TSPAN8: variants seen among roughly 807,000 people sequenced by gnomAD.
TSPAN8 encodes tetraspanin-8.
In TSPAN8, 21 loss-of-function variants were observed where a neutral mutation model predicts 32.8. That is an observed-to-expected ratio of 0.64 (90% CI 0.45 to 0.92). The LOEUF (loss-of-function observed/expected upper bound fraction) is 0.92, where lower values mean the gene tolerates loss of function less well. Among genes scored for constraint, TSPAN8 ranks in the 40% least tolerant of loss-of-function variants. The pLI, the probability that TSPAN8 is intolerant of heterozygous loss-of-function variation, is 0.00. For synonymous variants in TSPAN8, 95 were observed against 94.6 expected, an observed-to-expected ratio of 1.00 and a Z score of -0.03; for missense variants, 269 against 281.9, an observed-to-expected ratio of 0.95 and a Z score of 0.33.
intron 8 of TSPAN8, among the ~76,000 whole-genome samples, chr12:71,127,461 A>G (rs1208978687): frequency 6.6e-6 from 1 of 152,100 alleles, no homozygotes; most frequent in Admixed American, 6.6e-5. Context: ...TGAACCAACT[A>G]TTTACCATAT....
chr12:71,141,659 GC>G (rs1471339116), intron 3 of TSPAN8, among the ~76,000 whole-genome samples: 1 of 152,220 alleles, frequency 6.6e-6, no homozygotes, highest in African/African-American at 2.4e-5. Context: ...TAGCCAGAAA[GC>G]AGTGTGTTGA....
In TSPAN8 at chr12:71,132,778, T is replaced by C; in HGVS notation, c.491A>G (p.Asn164Ser). The C allele has an allele frequency of 6.2e-7, 1 of 1,613,988 alleles. No individual in the cohort carries two copies. The highest frequency in any genetic ancestry group is 8.5e-7 in the Non-Finnish European group (1 of 1,179,960). The change falls in exon 7 of 9, where the codon AAT becomes AGT. Residue 164 changes from asparagine (N) to serine (S), a missense_variant. By Grantham distance (46) the Asn-to-Ser change is conservative (BLOSUM62 1). Transcript: ENST00000247829. ...LVNGAADWGN[N>S]FQHYPELCAC... is the part of the protein sequence containing the mutation. ...ACATAATTCAGGATAGTGTTGAAAA[T>C]TATTTCCCCAATCAGCAGCTCCATT... is the stretch of plus-strand genomic sequence containing the variant.
chr12:71,129,426 A>C lies in TSPAN8; in HGVS notation c.577-12T>G. 6.4e-7 allele frequency: 1 copy of C among 1,558,286 alleles called. No homozygotes were observed. The highest frequency in any genetic ancestry group is 8.6e-7 in the Non-Finnish European group (1 of 1,159,016). On this transcript the variant is annotated splice_polypyrimidine_tract_variant and intron_variant, in intron 7 of 8. Transcript: ENST00000247829. Reference sequence around the variant, plus strand: ...AAAGAAATACAGGTCTGTTAAAAAAAAAAAACATTAAAAGTTACCTCTCAG... The same window carrying C: ...AAAGAAATACAGGTCTGTTAAAAAACAAAAACATTAAAAGTTACCTCTCAG...
At chr12:71,156,250 C>CAAAAAAAAAAAAA (rs763217771) in intron 2 of TSPAN8, among the ~76,000 whole-genome samples, 43 of 24,308 alleles carry the variant, frequency 1.8e-3, no homozygotes, top group South Asian at 5.0e-3. Context: ...CAAAGTTCTC[C>CAAAAAAAAAAAAA]AAAAAAAAAA....
chr12:71,128,461 A>G (rs780769388), intron 8 of TSPAN8, among the ~76,000 whole-genome samples: 2 of 152,190 alleles, frequency 1.3e-5, no homozygotes, highest in Non-Finnish European at 2.9e-5. Context: ...TCTCACAGGC[A>G]TTAACCAGGG....
chr12:71,129,717 A>G (rs1871459030), intron 7 of TSPAN8, among the ~76,000 whole-genome samples: 1 of 152,152 alleles, frequency 6.6e-6, no homozygotes, highest in Admixed American at 6.5e-5. Context: ...CTCAAATGAC[A>G]GATTTTATAA....
At chr12:71,135,555 A>AAGG (rs902301614) in intron 6 of TSPAN8, among the ~76,000 whole-genome samples, 10 of 151,406 alleles carry the variant, frequency 6.6e-5, no homozygotes, top group African/African-American at 2.4e-4. Flanking sequence ...GAAGGAGAAG[A>AAGG]AGGAGGAGAA....
intron 3 of TSPAN8, 89 bp downstream of exon 3, chr12:71,144,062 A>T: frequency 8.7e-7 from 1 of 1,151,708 alleles, no homozygotes; most frequent in South Asian, 1.5e-5. Flanking sequence ...TGTTTTAGAC[A>T]TGTTTATTAC....
intron 7 of TSPAN8, among the ~76,000 whole-genome samples, 154 bp downstream of exon 7, chr12:71,132,539 T>G (rs1207458163): frequency 6.6e-6 from 1 of 152,234 alleles, no homozygotes; most frequent in African/African-American, 2.4e-5. Context: ...TGCTTTTATC[T>G]TTAAATAAGG....
chr12:71,125,768 G>A (rs7312420), intron 8 of TSPAN8, among the ~76,000 whole-genome samples: 49,399 of 151,958 alleles, frequency 0.33, 8,916 homozygotes, highest in Non-Finnish European at 0.42. Flanking sequence ...TATACGTAAT[G>A]CTTCCATAAA....
chr12:71,141,531 CA>C (rs3838809), intron 3 of TSPAN8, among the ~76,000 whole-genome samples: 60,239 of 151,888 alleles, frequency 0.4, 12,412 homozygotes, highest in African/African-American at 0.46. Flanking sequence ...GCCAGACATA[CA>C]AATAATAGTT....
intron 4 of TSPAN8, 151 bp from the exon 5 acceptor site, chr12:71,138,381 C>T: frequency 1.1e-6 from 1 of 869,908 alleles, no homozygotes; most frequent in Non-Finnish European, 1.7e-6. Context: ...TTACTTCAAG[C>T]TGAAAATTTT....
At chr12:71,135,469 AAAG>A (rs555304541) in intron 6 of TSPAN8, among the ~76,000 whole-genome samples, 11 of 148,204 alleles carry the variant, frequency 7.4e-5, no homozygotes, top group South Asian at 2.3e-4. Context: ...GCAGGAGAAA[AAAG>A]AAGAAGGGGA....
intron 6 of TSPAN8, among the ~76,000 whole-genome samples, chr12:71,137,226 G>A (rs1336540341): frequency 6.6e-6 from 1 of 152,160 alleles, no homozygotes; most frequent in Non-Finnish European, 1.5e-5. Flanking sequence ...ATTGCAGTGA[G>A]CTATGATTAT....
intron 6 of TSPAN8, among the ~76,000 whole-genome samples, chr12:71,135,234 G>GGAGGAGGAGGAGGAGGAAGAAGAAGAAA (rs1871647748): frequency 1.1e-5 from 1 of 92,320 alleles, no homozygotes; most frequent in Admixed American, 1.4e-4. Context: ...AGAAGAAGGA[G>GGAGGAGGAGGAGGAGGAAGAAGAAGAAA]GAGGAGGAGG....
intron 2 of TSPAN8, among the ~76,000 whole-genome samples, chr12:71,154,042 C>T (rs1872341999): frequency 6.6e-6 from 1 of 152,098 alleles, no homozygotes; most frequent in African/African-American, 2.4e-5. Flanking sequence ...GGCGCGGTGC[C>T]TCATCCCTGT....
At position 71,144,161 on chromosome 12, in the gene TSPAN8, T is replaced by A; in HGVS notation, c.113A>T (p.Asp38Val). 6.2e-7 allele frequency: 1 copy of A among 1,611,732 alleles called. No individual in the cohort carries two copies. The highest frequency in any genetic ancestry group is 8.5e-7 in the Non-Finnish European group (1 of 1,179,018). The change falls in exon 3 of 9, where the codon GAC (aspartate) becomes GTC (valine). Residue 38 changes from aspartate (D) to valine (V), a missense_variant. Transcript: ENST00000247829. ...ALAIWVRVSN[D>V]SQAIFGSEDV... ...TTTTTGCATACTTACTGCTTGAGAG[T>A]CATTGCTTACTCGTACCCATATTGC... is the stretch of plus-strand genomic sequence containing the variant.
intron 6 of TSPAN8, 117 bp from the exon 7 acceptor site, chr12:71,132,941 G>A (rs1871567764): frequency 8.4e-7 from 1 of 1,187,640 alleles, no homozygotes; most frequent in East Asian, 2.6e-5. Flanking sequence ...AAAATACCAT[G>A]TAAGTCACCT....
intron 2 of TSPAN8, among the ~76,000 whole-genome samples, chr12:71,148,704 A>G (rs761578807): frequency 1.3e-5 from 2 of 151,756 alleles, no homozygotes; most frequent in Non-Finnish European, 2.9e-5. Context: ...TTCTTATTTG[A>G]TTTTCCTGTG....
Sources: gnomAD v4.1 joint callset for allele counts (sites outside exome capture counted in the v4.1 genomes callset) on GRCh38, gnomAD v4.1.1 for gene constraint, MANE v1.5 for transcripts, NCBI Gene and HGNC (gene_info 2026-07-23, HGNC 2026-07-21) for gene names.